The following SOX5 variants were observed in gnomAD, a reference collection of about 807,000 sequenced individuals.
SOX5 encodes SRY-box transcription factor 5.
In SOX5, 9 loss-of-function variants were observed where a neutral mutation model predicts 92.0. The observed-to-expected ratio is 0.10, with a 90% CI of 0.06 to 0.17. The LOEUF (loss-of-function observed/expected upper bound fraction) is 0.17, where lower values mean the gene tolerates loss of function less well. SOX5 is among the 10% of genes least tolerant of loss of function. The pLI, the probability that SOX5 is intolerant of heterozygous loss-of-function variation, is 1.00. For synonymous variants in SOX5, 344 were observed against 336.3 expected (o/e 1.02, Z -0.25); for missense variants, 642 against 944.5 (o/e 0.68, Z 4.20).
chr12:23,667,052 G>A (rs545771114), intron 6 of SOX5, among the ~76,000 whole-genome samples: 1 of 152,026 alleles, frequency 6.6e-6, no homozygotes, highest in African/African-American at 2.4e-5. Context: ...GTGAGTGTGG[G>A]GGGCAGCGAG....
chr12:23,645,314 G>A (rs1307099812), intron 7 of SOX5, among the ~76,000 whole-genome samples: 1 of 152,130 alleles, frequency 6.6e-6, no homozygotes, highest in Non-Finnish European at 1.5e-5. Flanking sequence ...ACATGCTAAA[G>A]GAATGTAGAG....
intron 1 of SOX5, among the ~76,000 whole-genome samples, chr12:24,407,872 C>T (rs546813106): frequency 9.9e-5 from 15 of 152,278 alleles, no homozygotes; most frequent in South Asian, 8.3e-4. Context: ...TAGGGAATTT[C>T]GAGGTTTCTA....
At chr12:23,729,514 T>C (rs1270389421) in intron 6 of SOX5, among the ~76,000 whole-genome samples, 1 of 152,196 alleles carries the variant, frequency 6.6e-6, no homozygotes, top group East Asian at 1.9e-4. Context: ...TTCTTTGCTC[T>C]ACCCTTAGGT....
At position 23,616,895 on chromosome 12, in the gene SOX5, C is replaced by T. The variant is rs549614179; in HGVS notation, c.1018-12362G>A. ...AGAACTCTGAGAGGCCAAGGTGGGA[C>T]GATCACTTGAGGGCAGGAGTTTGAG... is the stretch of plus-strand genomic sequence containing the variant. On this transcript the variant is annotated intron_variant, in intron 8 of 14. Coordinates refer to ENST00000451604, the MANE Select transcript of SOX5 (RefSeq NM_006940.6). Among the ~76,000 whole-genome samples the T allele has an allele frequency of 1.1e-4, 17 of 152,044 alleles. 1 individual carries two copies. The highest frequency in any genetic ancestry group is 2.1e-4 in the South Asian group (1 of 4,800).
intron 11 of SOX5, among the ~76,000 whole-genome samples, chr12:23,560,236 A>C (rs1471453371): frequency 6.6e-6 from 1 of 152,130 alleles, no homozygotes; most frequent in Non-Finnish European, 1.5e-5. Context: ...GACAGAAAAA[A>C]ATGCCCTTCT....
chr12:24,548,212 T>C (rs1405394409), intron 1 of SOX5, among the ~76,000 whole-genome samples: 3 of 152,206 alleles, frequency 2.0e-5, no homozygotes, highest in Non-Finnish European at 4.4e-5. Flanking sequence ...ACAGCATCGA[T>C]GTCCCTTGAC....
chr12:24,428,267 G>A (rs1043893007), intron 1 of SOX5, among the ~76,000 whole-genome samples: 1 of 150,472 alleles, frequency 6.6e-6, no homozygotes, highest in Non-Finnish European at 1.5e-5. Context: ...GACCTTGCTG[G>A]CCAGTCTGAA....
At chr12:24,418,937 C>G (rs1965466408) in intron 1 of SOX5, among the ~76,000 whole-genome samples, 1 of 152,116 alleles carries the variant, frequency 6.6e-6, no homozygotes. Flanking sequence ...AGTAGAACAT[C>G]ATTCTCTGAA....
chr12:23,594,838 G>A (rs1418993522), intron 9 of SOX5, among the ~76,000 whole-genome samples: 1 of 151,926 alleles, frequency 6.6e-6, no homozygotes, highest in Non-Finnish European at 1.5e-5. Context: ...TCACATATTA[G>A]AGTCTTTGCA....
At chr12:24,327,291 T>C (rs762258917) in intron 2 of SOX5, among the ~76,000 whole-genome samples, 17 of 152,004 alleles carry the variant, frequency 1.1e-4, no homozygotes, top group South Asian at 2.1e-4. Flanking sequence ...ATCCCAGTGT[T>C]TCCTTATTAA....
chr12:24,427,535 GATTA>G (rs757007898), intron 1 of SOX5, among the ~76,000 whole-genome samples: 1 of 152,238 alleles, frequency 6.6e-6, no homozygotes, highest in East Asian at 1.9e-4. Flanking sequence ...TTTTCTTCAG[GATTA>G]ATTGAGTGCA....
intron 4 of SOX5, among the ~76,000 whole-genome samples, chr12:23,988,939 A>G (rs1950300907): frequency 1.3e-5 from 2 of 152,202 alleles, no homozygotes; most frequent in South Asian, 4.1e-4. Flanking sequence ...AGAATACAAG[A>G]TGAATAGTGT....
intron 1 of SOX5, among the ~76,000 whole-genome samples, chr12:24,543,547 G>A (rs527766960): frequency 1.3e-3 from 200 of 152,252 alleles, no homozygotes; most frequent in African/African-American, 4.3e-3. Context: ...AGCTAGCCAG[G>A]CATGGTGGTA....
Position 23,846,100 on chromosome 12 carries a change from C to T in SOX5, c.364G>A (p.Glu122Lys). Residue 122 changes from glutamate to lysine, a missense_variant, in exon 3 of 15, where the codon GAG becomes AAG. By Grantham distance (56) the Glu-to-Lys change is moderately conservative (BLOSUM62 1). Around this residue, in one of 8 missense-constraint regions of SOX5, gnomAD observed 29 missense variants for 47.4 expected, o/e 0.61. Transcript: ENST00000451604. ...KAEEGGRQSG[E>K]SLSSTALGTP... ...CCCAGGGCTGTACTAGACAAGGACT[C>T]GCCACTCTGTCGCCCACCTTCTTCT... is the stretch of plus-strand genomic sequence containing the variant. 1.9e-6 allele frequency: 3 copies of T among 1,614,048 alleles called. No individual in the cohort carries two copies. The highest frequency in any genetic ancestry group is 2.5e-6 in the Non-Finnish European group (3 of 1,179,976).
At chr12:24,037,969 T>C (rs1350538033) in intron 4 of SOX5, among the ~76,000 whole-genome samples, 1 of 152,134 alleles carries the variant, frequency 6.6e-6, no homozygotes, top group African/African-American at 2.4e-5. Flanking sequence ...CATGCATGAA[T>C]CATGCATGTA....
At chr12:24,483,971 T>C (rs966213087) in intron 1 of SOX5, among the ~76,000 whole-genome samples, 4 of 152,226 alleles carry the variant, frequency 2.6e-5, no homozygotes, top group Admixed American at 6.5e-5. Flanking sequence ...AGATAAATTA[T>C]ATTTGTATTG....
At chr12:23,840,076 T>A (rs1036490645) in intron 3 of SOX5, among the ~76,000 whole-genome samples, 8 of 151,070 alleles carry the variant, frequency 5.3e-5, no homozygotes, top group Admixed American at 2.0e-4. Context: ...ATTGTCTACG[T>A]AGAAAATTTC....
At chr12:23,599,400 C>T (rs181042692) in intron 9 of SOX5, among the ~76,000 whole-genome samples, 2 of 152,226 alleles carry the variant, frequency 1.3e-5, no homozygotes, top group African/African-American at 4.8e-5. Flanking sequence ...CAGAAGTATT[C>T]GAAAAGAACA....
At chr12:23,834,067 A>G (rs2096373818) in intron 3 of SOX5, among the ~76,000 whole-genome samples, 1 of 151,998 alleles carries the variant, frequency 6.6e-6, no homozygotes, top group East Asian at 1.9e-4. Flanking sequence ...TAAGAACTAT[A>G]GAGATGAGTT....
Sources: allele counts gnomAD v4.1 joint callset (sites outside exome capture counted in the v4.1 genomes callset), GRCh38; gene constraint gnomAD v4.1.1; regional missense constraint gnomAD v4.1.1; transcripts MANE v1.5; gene names NCBI Gene and HGNC (gene_info 2026-07-23, HGNC 2026-07-21).